Variants in LHPP observed in about 807,000 individuals in gnomAD.
LHPP encodes hLHPP.
LHPP carries 24 observed loss-of-function variants against 30.3 expected under a neutral mutation model. The ratio of observed to expected loss-of-function variants is 0.79; its 90% CI spans 0.57 to 1.11. The LOEUF (loss-of-function observed/expected upper bound fraction) is 1.11, where lower values mean the gene tolerates loss of function less well. Among genes scored for constraint, LHPP ranks in the 50% most tolerant of loss-of-function variants. The pLI, the probability that LHPP is intolerant of heterozygous loss-of-function variation, is 0.00. For synonymous variants in LHPP, 150 were observed against 157.1 expected, an observed-to-expected ratio of 0.95 and a Z score of 0.34; for missense variants, 356 against 367.2, an observed-to-expected ratio of 0.97 and a Z score of 0.25.
intron 3 of LHPP, chr10:124,493,944 T>C (rs768485413): frequency 6.6e-6 from 1 of 152,244 alleles, no homozygotes; most frequent in Admixed American, 6.5e-5. Flanking sequence ...TTTGTTTTTC[T>C]GAATGAATAA....
intron 6 of LHPP, among the ~76,000 whole-genome samples, chr10:124,571,152 G>A (rs1948579735): frequency 6.6e-6 from 1 of 152,202 alleles, no homozygotes; most frequent in Non-Finnish European, 1.5e-5. Context: ...AACTGTAAGT[G>A]CATTAAACCT....
At chr10:124,529,022 GATTC>G (rs72375944) in intron 6 of LHPP, among the ~76,000 whole-genome samples, 52,302 of 126,096 alleles carry the variant, frequency 0.41, 10,290 homozygotes, top group East Asian at 0.6. Flanking sequence ...GAATTTGGGG[GATTC>G]TTTTTTTTTT....
intron 6 of LHPP, among the ~76,000 whole-genome samples, chr10:124,569,831 A>T (rs1279138560): frequency 1.3e-5 from 2 of 152,170 alleles, no homozygotes; most frequent in African/African-American, 4.8e-5. Context: ...TCGAGGTATA[A>T]CACCCAGGAA....
Position 124,598,153 on chromosome 10 carries a change from G to A in LHPP, c.717-15111G>A, listed in dbSNP as rs377630224. On this transcript the variant is annotated intron_variant, in intron 6 of 6. Transcript: ENST00000368842. ...CGGCTGCTGTGAAAACCAAGTGAGC[G>A]GAAGCATGGCAGCCCCTCACCAGGT... 2.1e-4 allele frequency among the ~76,000 whole-genome samples: 32 copies of A among 152,348 alleles called. No homozygotes were observed. The South Asian group carries it at 4.3e-3, about 21-fold the overall frequency.
At chr10:124,543,906 T>A (rs1955266882) in intron 6 of LHPP, among the ~76,000 whole-genome samples, 2 of 152,208 alleles carry the variant, frequency 1.3e-5, no homozygotes. Context: ...GCCTGTTTTT[T>A]AAAAAACAAA....
chr10:124,478,795 G>A lies in LHPP; in HGVS notation c.126-5344G>A, dbSNP rs1953034902. Among the ~76,000 whole-genome samples, 1 of 152,196 alleles carries A rather than the reference G, an allele frequency of 6.6e-6. No homozygotes were observed. Among genetic ancestry groups the A allele is most frequent in the African/African-American group, 2.4e-5 (1 of 41,460 alleles). Reference sequence around the variant, plus strand: ...CCAGGCGCGGTGGCTCAGGCCGGGTGCCATGGCTCACGCCTGTAATTCCAG... The same window carrying A: ...CCAGGCGCGGTGGCTCAGGCCGGGTACCATGGCTCACGCCTGTAATTCCAG... On this transcript the variant is annotated intron_variant, in intron 1 of 6. Transcript: ENST00000368842. This position sits in a 1 kb window ranked among gnomAD's most constrained non-coding sequence, Gnocchi z 4.7.
rs116533804 is a variant in LHPP, at chr10:124,612,712, C to T, written c.717-552C>T. On this transcript the variant is annotated intron_variant, in intron 6 of 6. Transcript: ENST00000368842. Reference sequence around the variant, plus strand: ...CCAGAGGGCAGTTTATCCAGGAGCCCGGTGCCTCCTCTGTTGGGTGGGCGT... The same window carrying T: ...CCAGAGGGCAGTTTATCCAGGAGCCTGGTGCCTCCTCTGTTGGGTGGGCGT... 1,114 of 154,720 alleles carry T rather than the reference C, an allele frequency of 7.2e-3. 10 individuals are homozygous for T. Among genetic ancestry groups the T allele is most frequent in the African/African-American group, 0.025 (1,046 of 41,590 alleles). 9.6% of individuals were successfully genotyped at this position (154,720 alleles called of 1,614,324 possible).
At chr10:124,529,743 G>T (rs763505935) in intron 6 of LHPP, among the ~76,000 whole-genome samples, 11 of 151,910 alleles carry the variant, frequency 7.2e-5, no homozygotes, top group Non-Finnish European at 1.3e-4. Flanking sequence ...TGCAGAGATG[G>T]CCTCATTTCA....
intron 3 of LHPP, among the ~76,000 whole-genome samples, chr10:124,493,010 A>G (rs1953579052): frequency 6.6e-6 from 1 of 152,198 alleles, no homozygotes; most frequent in East Asian, 1.9e-4. Context: ...CAGCATAGTA[A>G]GATTCCGTCT....
intron 6 of LHPP, chr10:124,554,190 AT>A: frequency 2.4e-6 from 1 of 413,706 alleles, no homozygotes; most frequent in Non-Finnish European, 3.3e-6. Flanking sequence ...TCATTTATTC[AT>A]TTTATTTATT....
chr10:124,580,868 G>A (rs988733825), intron 6 of LHPP, among the ~76,000 whole-genome samples: 3 of 151,914 alleles, frequency 2.0e-5, no homozygotes, highest in African/African-American at 7.3e-5. Context: ...ACAGGCACCC[G>A]CCACCACACC....
At chr10:124,605,857 A>C in intron 6 of LHPP, among the ~76,000 whole-genome samples, 2 of 151,260 alleles carry the variant, frequency 1.3e-5, no homozygotes, top group African/African-American at 2.4e-5. Context: ...GGGAGGGGGA[A>C]GGGGAAGGGA....
At chr10:124,465,773 G>C (rs1305021703) in intron 1 of LHPP, among the ~76,000 whole-genome samples, 1 of 152,192 alleles carries the variant, frequency 6.6e-6, no homozygotes, top group African/African-American at 2.4e-5. Flanking sequence ...ATGATGGCCA[G>C]GCTGGTCCCG....
At chr10:124,562,892 AC>A (rs1948417663) in intron 6 of LHPP, among the ~76,000 whole-genome samples, 1 of 151,980 alleles carries the variant, frequency 6.6e-6, no homozygotes, top group African/African-American at 2.4e-5. Flanking sequence ...AGATCATGCC[AC>A]TGCACCTCAG....
chr10:124,560,213 A>C (rs1326965169), intron 6 of LHPP, among the ~76,000 whole-genome samples: 6 of 152,240 alleles, frequency 3.9e-5, no homozygotes, highest in African/African-American at 1.4e-4. Context: ...TATAAATGTA[A>C]TATATTCACA....
chr10:124,480,049 C>T (rs1358782074), intron 1 of LHPP, among the ~76,000 whole-genome samples: 1 of 152,190 alleles, frequency 6.6e-6, no homozygotes, highest in Non-Finnish European at 1.5e-5. Context: ...AGTGACACCA[C>T]CGTCCTTACC....
chr10:124,505,319 T>C (rs1194472858), intron 5 of LHPP, among the ~76,000 whole-genome samples: 3 of 152,246 alleles, frequency 2.0e-5, no homozygotes, highest in Non-Finnish European at 4.4e-5. Flanking sequence ...GAAAAATGCC[T>C]GCAAGGACCT....
At chr10:124,610,912 TGC>T (rs1196396899) in intron 6 of LHPP, among the ~76,000 whole-genome samples, 23 of 84,656 alleles carry the variant, frequency 2.7e-4, no homozygotes, top group East Asian at 7.8e-4. Flanking sequence ...AGGGTGAGGG[TGC>T]TGATGGAGCG....
At chr10:124,518,828 A>G (rs1260560028) in intron 6 of LHPP, among the ~76,000 whole-genome samples, 1 of 152,256 alleles carries the variant, frequency 6.6e-6, no homozygotes, top group African/African-American at 2.4e-5. Context: ...ACCCTACGCC[A>G]GCAAGGGTTG....
Sources: gnomAD v4.1 joint callset for allele counts (sites outside exome capture counted in the v4.1 genomes callset) on GRCh38, gnomAD v4.1.1 for gene constraint, Gnocchi (gnomAD v3.1) non-coding constraint, MANE v1.5 for transcripts, NCBI Gene and HGNC (gene_info 2026-07-23, HGNC 2026-07-21) for gene names.